TMEM192: variants seen among roughly 807,000 people sequenced by gnomAD.
TMEM192 encodes the protein transmembrane protein 192.
In TMEM192, 20 loss-of-function variants were observed where a neutral mutation model predicts 26.7. The ratio of observed to expected loss-of-function variants is 0.75; its 90% CI spans 0.53 to 1.09. The LOEUF is 1.09. Ranked by LOEUF, TMEM192 falls within the 50% of genes least tolerant of loss-of-function variation. TMEM192 has a pLI of 0.00. For missense variants in TMEM192, 304 were observed against 322.6 expected, an observed-to-expected ratio of 0.94 and a Z score of 0.44; for synonymous variants, 124 against 121.0, an observed-to-expected ratio of 1.02 and a Z score of -0.16.
intron 1 of TMEM192, among the ~76,000 whole-genome samples, chr4:165,103,502 A>C (rs1199806826): frequency 1.5e-4 from 19 of 123,620 alleles, no homozygotes; most frequent in Admixed American, 2.8e-4. Flanking sequence ...GCACCACCAC[A>C]CCCAGCTAAT....
chr4:165,090,004 G>A (rs549719625), intron 3 of TMEM192, among the ~76,000 whole-genome samples: 50 of 152,044 alleles, frequency 3.3e-4, no homozygotes, highest in African/African-American at 1.1e-3. Flanking sequence ...CTGAGGTTGC[G>A]AGTTCGAGAC....
rs550411013 is a variant in TMEM192 at position 165,085,229 on chromosome 4, T to C, written c.677+357A>G. On this transcript the variant is annotated intron_variant, in intron 5 of 5. Transcript: ENST00000306480. ...TGGAGACTACGGTGAGCCAAGATCA[T>C]GCCACTGCACTCCAGCCTGGGCAAC... is the stretch of plus-strand genomic sequence containing the variant. 3.7e-5 allele frequency among the ~76,000 whole-genome samples: 5 copies of C among 135,708 alleles called. No homozygotes were observed. In the East Asian group the frequency reaches 1.1e-3, roughly 29 times the overall value. 89.0% of individuals were successfully genotyped at this position (135,708 alleles called of 152,430 possible).
In TMEM192 at chr4:165,109,500, G is replaced by A. The variant is rs1172917167; in HGVS notation, c.27+3247C>T. 4.6e-5 allele frequency among the ~76,000 whole-genome samples: 7 copies of A among 152,140 alleles called. No individual in the cohort carries two copies. In the East Asian group the frequency reaches 1.2e-3, roughly 25 times the overall value. On this transcript the variant is annotated intron_variant, in intron 1 of 5. Coordinates refer to ENST00000306480, the MANE Select transcript of TMEM192 (RefSeq NM_001100389.2). ...CCTCAGCCTCCTGACCACAGGCTGG[G>A]ATTACAGGCATGTGCCACCATGCCC...
At chr4:165,110,420 G>C (rs1442450944) in intron 1 of TMEM192, among the ~76,000 whole-genome samples, 1 of 152,166 alleles carries the variant, frequency 6.6e-6, no homozygotes, top group African/African-American at 2.4e-5. Context: ...TCCATGAGCA[G>C]TAAAAGAAAG....
chr4:165,071,101 C>T lies in TMEM192; in HGVS notation c.*8557G>A, dbSNP rs766243386. 1 of 152,062 alleles carries T rather than the reference C, an allele frequency of 6.6e-6. No homozygotes were observed. The highest frequency in any genetic ancestry group is 1.5e-5 in the Non-Finnish European group (1 of 68,028). 9.4% of individuals were successfully genotyped at this position (152,062 alleles called of 1,614,324 possible). ...GAGCCACAGATAGTACTAAACCCTACGAACACTATATTTTTTCCTATCCAC... is the reference window on the plus strand; with the variant it reads ...GAGCCACAGATAGTACTAAACCCTATGAACACTATATTTTTTCCTATCCAC... On this transcript the variant is annotated 3_prime_UTR_variant, in exon 6 of 6. Coordinates refer to ENST00000306480, the MANE Select transcript of TMEM192 (RefSeq NM_001100389.2).
intron 3 of TMEM192, among the ~76,000 whole-genome samples, chr4:165,092,845 C>T (rs951366072): frequency 1.3e-5 from 2 of 151,648 alleles, no homozygotes; most frequent in African/African-American, 2.4e-5. Context: ...GACATAGCTA[C>T]ACTGAGCTAT....
chr4:165,102,269 T>A (rs989920548), intron 2 of TMEM192, among the ~76,000 whole-genome samples: 32 of 152,208 alleles, frequency 2.1e-4, no homozygotes, highest in African/African-American at 7.7e-4. Flanking sequence ...ATATGTAGAC[T>A]TTTCTGCATC....
chr4:165,101,952 C>T (rs998429390), intron 2 of TMEM192, among the ~76,000 whole-genome samples: 4 of 152,116 alleles, frequency 2.6e-5, no homozygotes, highest in Admixed American at 1.3e-4. Context: ...TCACAGTCCT[C>T]GTAAATACTC....
At chr4:165,083,161 G>C (rs566828945) in intron 5 of TMEM192, among the ~76,000 whole-genome samples, 1 of 40,062 alleles carries the variant, frequency 2.5e-5, no homozygotes, top group African/African-American at 4.5e-5. Context: ...GGAACAAGAT[G>C]AAATATGAAA....
At chr4:165,094,333 G>A (rs1005208874) in intron 3 of TMEM192, among the ~76,000 whole-genome samples, 5 of 152,152 alleles carry the variant, frequency 3.3e-5, no homozygotes, top group East Asian at 1.9e-4. Context: ...CACCATGCCC[G>A]GCCTAGTTTG....
At chr4:165,107,293 A>G (rs759650709) in intron 1 of TMEM192, among the ~76,000 whole-genome samples, 2 of 151,142 alleles carry the variant, frequency 1.3e-5, no homozygotes, top group Non-Finnish European at 1.5e-5. Flanking sequence ...AAGTGCTGGG[A>G]TTACAGGTGT....
At chr4:165,079,869 C>T in intron 5 of TMEM192, 73 bp from the exon 6 acceptor site, 1 of 1,428,526 alleles carries the variant, frequency 7.0e-7, no homozygotes, top group Non-Finnish European at 9.4e-7. Context: ...AAATGAGTAC[C>T]TACTAGTTTT....
intron 3 of TMEM192, among the ~76,000 whole-genome samples, 187 bp from the exon 4 acceptor site, chr4:165,088,789 A>G (rs1389329767): frequency 6.6e-6 from 1 of 152,106 alleles, no homozygotes; most frequent in African/African-American, 2.4e-5. Flanking sequence ...CTGTAATGTC[A>G]GCATTTTGGG....
chr4:165,098,118 C>CG (rs1272669533), intron 3 of TMEM192, among the ~76,000 whole-genome samples: 1 of 151,548 alleles, frequency 6.6e-6, no homozygotes, highest in African/African-American at 2.4e-5. Context: ...CATGAGCCAC[C>CG]GTGCCCGGCC....
intron 1 of TMEM192, among the ~76,000 whole-genome samples, chr4:165,104,920 C>G (rs945906573): frequency 3.3e-5 from 5 of 152,118 alleles, no homozygotes; most frequent in East Asian, 1.9e-4. Flanking sequence ...CTTCAAGACC[C>G]CTCTGCCTCT....
At chr4:165,084,996 C>T (rs1198553663) in intron 5 of TMEM192, among the ~76,000 whole-genome samples, 4 of 148,536 alleles carry the variant, frequency 2.7e-5, no homozygotes, top group Non-Finnish European at 3.0e-5. Flanking sequence ...AATAACAGGC[C>T]GGGCGAGGTG....
intron 1 of TMEM192, among the ~76,000 whole-genome samples, chr4:165,103,875 C>G (rs552668112): frequency 2.6e-5 from 4 of 151,770 alleles, no homozygotes; most frequent in Admixed American, 2.6e-4. Flanking sequence ...ACTGTGTTGG[C>G]CATGCTGGTC....
At position 165,078,882 on chromosome 4, in the gene TMEM192, T is replaced by C. The variant is rs957682021; in HGVS notation, c.*776A>G. 6.6e-6 allele frequency: 1 copy of C among 152,190 alleles called. No individual in the cohort carries two copies. The highest frequency in any genetic ancestry group is 2.4e-5 in the African/African-American group (1 of 41,442). The allele number at this position is 152,190 out of a possible 1,614,324, so 9.4% of individuals were successfully genotyped here. A position where few individuals can be genotyped will look rare whatever the true frequency, so the allele number is the denominator to read the frequency against. ...TCGGCTCACTGCAAGCTCCGCCTCC[T>C]GGGTCCACACCATTCTCCTGCCTCA... On this transcript the variant is annotated 3_prime_UTR_variant, in exon 6 of 6. Coordinates refer to ENST00000306480, the MANE Select transcript of TMEM192 (RefSeq NM_001100389.2).
rs1421003675 is a variant in TMEM192, at chr4:165,074,405, A to T, written c.*5253T>A. The T allele has an allele frequency of 6.6e-6, 1 of 152,186 alleles. No individual in the cohort carries two copies. The highest frequency in any genetic ancestry group is 1.5e-5 in the Non-Finnish European group (1 of 68,034). 9.4% of individuals were successfully genotyped at this position (152,186 alleles called of 1,614,324 possible). ...TCAAAGTTTGATTCTTCAAGAACTC[A>T]AGAGTTTACCAGATGTGAGTTTTGT... is the stretch of plus-strand genomic sequence containing the variant. On this transcript the variant is annotated 3_prime_UTR_variant, in exon 6 of 6. Coordinates refer to ENST00000306480, the MANE Select transcript of TMEM192 (RefSeq NM_001100389.2).
Sources: gnomAD v4.1 joint callset for allele counts (sites outside exome capture counted in the v4.1 genomes callset) on GRCh38, gnomAD v4.1.1 for gene constraint, MANE v1.5 for transcripts, NCBI Gene and HGNC (gene_info 2026-07-23, HGNC 2026-07-21) for gene names.